CCDC12: variants seen among roughly 807,000 people sequenced by gnomAD.
CCDC12 encodes the protein coiled-coil domain-containing protein 12.
In CCDC12, 28 loss-of-function variants were observed where a neutral mutation model predicts 25.7. The ratio of observed to expected loss-of-function variants is 1.09; its 90% CI spans 0.81 to 1.50. The LOEUF (loss-of-function observed/expected upper bound fraction) is 1.50. CCDC12 is among the 40% of genes most tolerant of loss of function. The probability of loss-of-function intolerance (pLI) is 0.00; values close to 1 mark genes in which losing one functional copy is unlikely to be tolerated. For missense variants in CCDC12, 198 were observed against 210.0 expected (o/e 0.94, Z 0.35); for synonymous variants, 75 against 87.7 (o/e 0.86, Z 0.81).
At chr3:46,955,241 A>G (rs1322606444) in intron 1 of CCDC12, among the ~76,000 whole-genome samples, 2 of 152,122 alleles carry the variant, frequency 1.3e-5, no homozygotes, top group African/African-American at 4.8e-5. Flanking sequence ...TCTCAGCCCA[A>G]CTAACTCCCA....
intron 1 of CCDC12, among the ~76,000 whole-genome samples, chr3:46,941,635 G>A (rs1575547075): frequency 6.6e-6 from 1 of 152,038 alleles, no homozygotes; most frequent in Non-Finnish European, 1.5e-5. Context: ...AGCCCTTAGA[G>A]AACACTCACA....
At chr3:46,967,822 G>T (rs946409394) in intron 1 of CCDC12, among the ~76,000 whole-genome samples, 6 of 152,172 alleles carry the variant, frequency 3.9e-5, no homozygotes, top group African/African-American at 1.4e-4. Context: ...GGAAAAAAAA[G>T]TATCCTTCTT....
At position 46,921,843 on chromosome 3, in the gene CCDC12, C is replaced by T. The variant is rs2032691848; in HGVS notation, c.*214G>A. 2 of 599,514 alleles carry T rather than the reference C, an allele frequency of 3.3e-6. No individual in the cohort carries two copies. Among genetic ancestry groups the T allele is most frequent in the Non-Finnish European group, 6.0e-6 (2 of 336,122 alleles). The allele number at this position is 599,514 out of a possible 1,614,324, so 37.1% of individuals were successfully genotyped here. ...CCACATGTGCAGACACAGGCACGCC[C>T]AGAGTTGTTGCTGGTTCTGCCTCCA... On this transcript the variant is annotated 3_prime_UTR_variant, in exon 7 of 7. Coordinates refer to ENST00000683445, the MANE Select transcript of CCDC12 (RefSeq NM_001277074.2).
At chr3:46,946,175 G>A (rs997500003) in intron 1 of CCDC12, among the ~76,000 whole-genome samples, 16 of 152,212 alleles carry the variant, frequency 1.1e-4, no homozygotes, top group Admixed American at 3.3e-4. Flanking sequence ...CCCACAGTAA[G>A]ATGAAGATCT....
rs564083916 is a variant in CCDC12 at position 46,972,168 on chromosome 3, C to T, written c.96+4469G>A. Among the ~76,000 whole-genome samples the T allele has an allele frequency of 3.3e-5, 5 of 152,306 alleles. No homozygotes were observed. The East Asian group carries it at 7.7e-4, about 23-fold the overall frequency. The stretch of plus-strand genomic sequence containing the variant: ...ACTTCATCAAATTTTAAACTCTTTG[C>T]GCAGCAAATGAGACTATCCACCAGG... On this transcript the variant is annotated intron_variant, in intron 1 of 6. Transcript: ENST00000683445.
intron 1 of CCDC12, among the ~76,000 whole-genome samples, chr3:46,944,487 C>G (rs758134010): frequency 6.6e-5 from 10 of 152,102 alleles, no homozygotes; most frequent in Non-Finnish European, 1.5e-4. Flanking sequence ...CACAGCCTCC[C>G]CAGGAATTTA....
chr3:46,970,637 A>C (rs1368988796), intron 1 of CCDC12, among the ~76,000 whole-genome samples: 1 of 152,220 alleles, frequency 6.6e-6, no homozygotes, highest in Non-Finnish European at 1.5e-5. Flanking sequence ...GGTCAGCCAG[A>C]CAGCCAGTCT....
intron 1 of CCDC12, among the ~76,000 whole-genome samples, chr3:46,942,098 C>T (rs1045128928): frequency 2.0e-5 from 3 of 152,218 alleles, no homozygotes; most frequent in African/African-American, 7.2e-5. Context: ...GCACTGGGGG[C>T]CACAACAGAA....
chr3:46,938,323 G>A (rs1428123454), intron 2 of CCDC12, among the ~76,000 whole-genome samples: 5 of 152,092 alleles, frequency 3.3e-5, no homozygotes, highest in Non-Finnish European at 5.9e-5. Flanking sequence ...ACATGGCAGG[G>A]CCTCTTTTAT....
At chr3:46,978,263 C>T (rs547958476), upstream of CCDC12, among the ~76,000 whole-genome samples, 1 of 152,308 alleles carries the variant, frequency 6.6e-6, no homozygotes, top group African/African-American at 2.4e-5. Flanking sequence ...GCCTGGCATG[C>T]AGTTTGGAGG....
In CCDC12 at chr3:46,957,588, A is replaced by T. The variant is rs77784549; in HGVS notation, c.97-16523T>A. Reference sequence around the variant, plus strand: ...CTAACAACGAAGTGTGTGGCAGGCCAGGTCTCACTAACGCAGGCCTCCGTT... The same window carrying T: ...CTAACAACGAAGTGTGTGGCAGGCCTGGTCTCACTAACGCAGGCCTCCGTT... On this transcript the variant is annotated intron_variant, in intron 1 of 6. Coordinates refer to ENST00000683445, the MANE Select transcript of CCDC12 (RefSeq NM_001277074.2). Among the ~76,000 whole-genome samples the T allele has an allele frequency of 2.1e-3, 320 of 152,282 alleles. 3 individuals carry two copies. The highest frequency in any genetic ancestry group is 7.4e-3 in the African/African-American group (307 of 41,548).
At chr3:46,929,734 A>ATGGGGGTCTTGGC (rs1489197681) in intron 2 of CCDC12, among the ~76,000 whole-genome samples, 2 of 151,980 alleles carry the variant, frequency 1.3e-5, no homozygotes, top group Non-Finnish European at 2.9e-5. Flanking sequence ...TTTTCAAGAG[A>ATGGGGGTCTTGGC]TGGGGGTCTT....
intron 1 of CCDC12, among the ~76,000 whole-genome samples, chr3:46,945,201 C>T (rs1055945180): frequency 2.6e-5 from 4 of 152,238 alleles, no homozygotes; most frequent in African/African-American, 9.6e-5. Context: ...TAGAGCACCT[C>T]AAGGCCTAGC....
At position 46,923,211 on chromosome 3, in the gene CCDC12, C is replaced by CT. The variant is rs2032762998; in HGVS notation, c.341+117dup. The CT allele has an allele frequency of 9.4e-6, 10 of 1,066,362 alleles. 1 individual carries two copies. The East Asian group carries it at 2.4e-4, about 26-fold the overall frequency. 66.1% of individuals were successfully genotyped at this position (1,066,362 alleles called of 1,614,324 possible). On this transcript the variant is annotated intron_variant, in intron 5 of 6. Transcript: ENST00000683445. The stretch of plus-strand genomic sequence containing the variant: ...CCAACAGTAGCTATCTCGTGTAACT[C>CT]TATGTCTGTACTGCCAGTCTCTGCA...
intron 1 of CCDC12, among the ~76,000 whole-genome samples, chr3:46,959,618 T>A (rs2034404942): frequency 6.6e-6 from 1 of 152,038 alleles, no homozygotes; most frequent in Non-Finnish European, 1.5e-5. Flanking sequence ...GCCCTTGCCC[T>A]CGAGCTACCA....
At chr3:46,924,181 C>T (rs2032834521) in intron 3 of CCDC12, 1 of 152,814 alleles carries the variant, frequency 6.5e-6, no homozygotes, top group Non-Finnish European at 1.5e-5. Context: ...CTAGGAGGGT[C>T]CTGCCCCTTG....
At chr3:46,923,531 C>G in intron 4 of CCDC12, 76 bp downstream of exon 4, 1 of 1,500,608 alleles carries the variant, frequency 6.7e-7, no homozygotes, top group Admixed American at 1.9e-5. Context: ...GAATGGGGGG[C>G]AGAGGGAGAG....
intron 1 of CCDC12, among the ~76,000 whole-genome samples, chr3:46,970,418 T>C (rs761530416): frequency 9.9e-5 from 15 of 152,230 alleles, no homozygotes; most frequent in Non-Finnish European, 1.9e-4. Context: ...TGAGCCACTG[T>C]GCCTGGCCGG....
At chr3:46,928,845 G>C (rs1361509178) in intron 2 of CCDC12, among the ~76,000 whole-genome samples, 1 of 152,144 alleles carries the variant, frequency 6.6e-6, no homozygotes, top group East Asian at 1.9e-4. Flanking sequence ...GCCTCAGAAA[G>C]GGTAAATACA....
Sources: allele counts gnomAD v4.1 joint callset (sites outside exome capture counted in the v4.1 genomes callset), GRCh38; gene constraint gnomAD v4.1.1; transcripts MANE v1.5; gene names NCBI Gene and HGNC (gene_info 2026-07-23, HGNC 2026-07-21).